Variants in KANK1 observed in about 807,000 individuals in gnomAD.
KANK1 encodes KN motif and ankyrin repeat domains 1, also known as KN motif and ankyrin repeat domain-containing protein 1.
KANK1 carries 109 observed loss-of-function variants against 106.2 expected under a neutral mutation model. The observed-to-expected ratio is 1.03, with a 90% CI of 0.88 to 1.20. KANK1 has a LOEUF of 1.20. Ranked by LOEUF, KANK1 falls within the 50% of genes most tolerant of loss-of-function variation. The pLI, the probability that KANK1 is intolerant of heterozygous loss-of-function variation, is 0.00. For missense variants in KANK1, 2,399 were observed against 1,710.7 expected (o/e 1.40, Z -7.10); for synonymous variants, 873 against 652.2 (o/e 1.34, Z -5.16).
rs564396916 is a variant in KANK1 at position 629,729 on chromosome 9, A to G, written c.-83-47161A>G. On this transcript the variant is annotated intron_variant, in intron 1 of 11. Transcript: ENST00000382297. Reference sequence around the variant, plus strand: ...CCTATAGTACAAACGTGTTGGAGATATAACACCTTGTATACGTATGTAGAG... The same window carrying G: ...CCTATAGTACAAACGTGTTGGAGATGTAACACCTTGTATACGTATGTAGAG... Among the ~76,000 whole-genome samples, 96 of 152,334 alleles carry G rather than the reference A, an allele frequency of 6.3e-4. 1 individual carries two copies. Among genetic ancestry groups the G allele is most frequent in the African/African-American group, 2.3e-3 (96 of 41,576 alleles).
chr9:590,495 T>G (rs1824584750), intron 1 of KANK1, among the ~76,000 whole-genome samples: 1 of 152,192 alleles, frequency 6.6e-6, no homozygotes, highest in South Asian at 2.1e-4. Context: ...TATTTTTGCT[T>G]AGAGACTTCA....
chr9:508,186 T>G (rs2058860481), intron 1 of KANK1, among the ~76,000 whole-genome samples: 2 of 128,538 alleles, frequency 1.6e-5, no homozygotes, highest in Admixed American at 1.9e-4. Context: ...TTGCCCAGGC[T>G]GGAGTGCATT....
chr9:628,309 A>C (rs9408645), intron 1 of KANK1, among the ~76,000 whole-genome samples: 1 of 152,168 alleles, frequency 6.6e-6, no homozygotes, highest in Non-Finnish European at 1.5e-5. Context: ...GTCAGACCTC[A>C]TCTTGTTTTT....
intron 1 of KANK1, among the ~76,000 whole-genome samples, chr9:640,415 T>A (rs963869496): frequency 6.6e-6 from 1 of 151,688 alleles, no homozygotes; most frequent in Non-Finnish European, 1.5e-5. Flanking sequence ...TTTTTTTTTT[T>A]TATACAGAGT....
At chr9:652,835 A>G (rs1233240975) in intron 1 of KANK1, among the ~76,000 whole-genome samples, 1 of 152,176 alleles carries the variant, frequency 6.6e-6, no homozygotes, top group Non-Finnish European at 1.5e-5. Context: ...ATTGTTGAAT[A>G]TTTAGTACTA....
intron 1 of KANK1, among the ~76,000 whole-genome samples, chr9:510,760 A>G (rs1482911961): frequency 6.6e-6 from 1 of 152,236 alleles, no homozygotes; most frequent in Non-Finnish European, 1.5e-5. Flanking sequence ...GCTGTTTGGT[A>G]CATTCAAGTC....
chr9:519,082 G>A (rs1275851951), intron 1 of KANK1, among the ~76,000 whole-genome samples: 9 of 151,532 alleles, frequency 5.9e-5, no homozygotes, highest in African/African-American at 2.2e-4. Flanking sequence ...TAGAAACGGG[G>A]TTTCTCCATG....
chr9:628,284 TTCAGTGGGTAACTTG>T (rs1231792724), intron 1 of KANK1, among the ~76,000 whole-genome samples: 1 of 152,188 alleles, frequency 6.6e-6, no homozygotes, highest in Non-Finnish European at 1.5e-5. Flanking sequence ...TTTCATTCCC[TTCAGTGGGTAACTTG>T]TCAGACCTCA....
chr9:511,201 A>G (rs956523748), intron 1 of KANK1, among the ~76,000 whole-genome samples: 3 of 152,206 alleles, frequency 2.0e-5, no homozygotes, highest in African/African-American at 7.2e-5. Context: ...ATGGGTGGGA[A>G]TTAGAGTAAA....
intron 1 of KANK1, among the ~76,000 whole-genome samples, chr9:655,108 G>A (rs12003931): frequency 0.38 from 58,230 of 151,954 alleles, 13,775 homozygotes; most frequent in African/African-American, 0.63. Context: ...GGTAGCTCAC[G>A]CCTGTAACCC....
chr9:705,602 G>C (rs1210580276), intron 2 of KANK1, among the ~76,000 whole-genome samples: 1 of 151,644 alleles, frequency 6.6e-6, no homozygotes, highest in Non-Finnish European at 1.5e-5. Flanking sequence ...TTTTTTTTGG[G>C]GGGGTGGGGG....
intron 1 of KANK1, among the ~76,000 whole-genome samples, chr9:612,527 T>A (rs1830814272): frequency 6.6e-6 from 1 of 152,214 alleles, no homozygotes; most frequent in Non-Finnish European, 1.5e-5. Context: ...TAAAACAGTT[T>A]ATGTTCTGCC....
intron 1 of KANK1, among the ~76,000 whole-genome samples, chr9:656,140 C>G (rs896837714): frequency 6.6e-6 from 1 of 152,228 alleles, no homozygotes; most frequent in African/African-American, 2.4e-5. Flanking sequence ...TCCTGTGTCT[C>G]TGGCTTGAGC....
chr9:483,725 C>T (rs2058245758), intron 3 of KANK1, among the ~76,000 whole-genome samples: 1 of 152,160 alleles, frequency 6.6e-6, no homozygotes. Context: ...AAAATGTATT[C>T]TCCTGGCTTT....
intron 2 of KANK1, among the ~76,000 whole-genome samples, chr9:697,106 CTG>C (rs1821507146): frequency 7.4e-6 from 1 of 135,626 alleles, no homozygotes; most frequent in East Asian, 2.2e-4. Flanking sequence ...GTGTGTGTGT[CTG>C]TGTGTAGAAA....
chr9:564,672 C>T (rs924817397), intron 1 of KANK1, among the ~76,000 whole-genome samples: 2 of 152,236 alleles, frequency 1.3e-5, no homozygotes, highest in East Asian at 3.9e-4. Flanking sequence ...ATAATCTGAG[C>T]ATGCGCTCAG....
At chr9:572,965 A>T (rs955485400) in intron 1 of KANK1, among the ~76,000 whole-genome samples, 2 of 152,190 alleles carry the variant, frequency 1.3e-5, no homozygotes, top group African/African-American at 4.8e-5. Context: ...TGTATGTCCT[A>T]ATACAATAAA....
At chr9:481,817 C>T (rs534163172) in intron 3 of KANK1, among the ~76,000 whole-genome samples, 1 of 151,464 alleles carries the variant, frequency 6.6e-6, no homozygotes, top group Non-Finnish European at 1.5e-5. Flanking sequence ...GCACTCCAGC[C>T]TGGGTGACAA....
chr9:568,054 G>C (rs1368163967), intron 1 of KANK1, among the ~76,000 whole-genome samples: 3 of 151,876 alleles, frequency 2.0e-5, no homozygotes, highest in Admixed American at 2.0e-4. Context: ...TTACAGAGAA[G>C]AAAACAAAGC....
Sources: gnomAD v4.1 joint callset for allele counts (sites outside exome capture counted in the v4.1 genomes callset) on GRCh38, gnomAD v4.1.1 for gene constraint, MANE v1.5 for transcripts, NCBI Gene and HGNC (gene_info 2026-07-23, HGNC 2026-07-21) for gene names.